ZNF10: variants seen among roughly 807,000 people sequenced by gnomAD.
The protein encoded by ZNF10 is zinc finger protein 10.
Under a neutral mutation model 12.2 loss-of-function variants are expected in ZNF10, and 8 were observed. The ratio of observed to expected loss-of-function variants is 0.66; its 90% CI spans 0.39 to 1.18. The LOEUF (loss-of-function observed/expected upper bound fraction) is 1.18, where lower values mean the gene tolerates loss of function less well. Among genes scored for constraint, ZNF10 ranks in the 50% most tolerant of loss-of-function variants. The probability of loss-of-function intolerance (pLI) is 0.01; values close to 1 mark genes in which losing one functional copy is unlikely to be tolerated. For synonymous variants in ZNF10, 229 were observed against 228.2 expected (o/e 1.00, Z -0.03); for missense variants, 603 against 678.9 (o/e 0.89, Z 1.24).
intron 2 of ZNF10, among the ~76,000 whole-genome samples, chr12:133,145,279 G>A (rs1246242104): frequency 6.6e-6 from 1 of 152,150 alleles, no homozygotes; most frequent in Non-Finnish European, 1.5e-5. Context: ...CAAAGAACAA[G>A]AAGCACACAA....
intron 1 of ZNF10, among the ~76,000 whole-genome samples, chr12:133,138,838 G>A (rs1955927934): frequency 6.6e-6 from 1 of 152,140 alleles, no homozygotes; most frequent in Non-Finnish European, 1.5e-5. Context: ...AATGTCTGGT[G>A]TAAAAAGGGA....
At chr12:133,143,704 A>G (rs1955959325) in intron 1 of ZNF10, 1 of 152,214 alleles carries the variant, frequency 6.6e-6, no homozygotes, top group Non-Finnish European at 1.5e-5. Flanking sequence ...TGCTTGTAGC[A>G]TATACCACAA....
intron 1 of ZNF10, among the ~76,000 whole-genome samples, chr12:133,139,713 G>A (rs61951788): frequency 0.072 from 10,995 of 152,080 alleles, 654 homozygotes; most frequent in African/African-American, 0.16. Flanking sequence ...TTTATAGGTT[G>A]TGGTGACTGA....
At chr12:133,153,547 G>A (rs948341281) in intron 4 of ZNF10, among the ~76,000 whole-genome samples, 8 of 152,100 alleles carry the variant, frequency 5.3e-5, no homozygotes, top group Non-Finnish European at 1.0e-4. Flanking sequence ...GTTCTGGGTT[G>A]GGGAAAGGGA....
Position 133,144,467 on chromosome 12 carries a change from G to A in ZNF10, c.-26G>A. On this transcript the variant is annotated 5_prime_UTR_variant, in exon 2 of 5. Transcript: ENST00000248211. ...CCTCAGCACTCTGCTGTCACTCAAG[G>A]AAGTATCATCAAGAACAAGGAGGGC... 6.2e-7 allele frequency: 1 copy of A among 1,613,254 alleles called. No homozygotes were observed. The highest frequency in any genetic ancestry group is 2.2e-5 in the East Asian group (1 of 44,842).
chr12:133,146,456 AT>A (rs1469859775), intron 2 of ZNF10, among the ~76,000 whole-genome samples: 1 of 150,826 alleles, frequency 6.6e-6, no homozygotes, highest in African/African-American at 2.4e-5. Context: ...TCCATTTAAA[AT>A]TTTTTTTTTA....
chr12:133,138,209 A>C (rs889769220), intron 1 of ZNF10, among the ~76,000 whole-genome samples: 11 of 152,130 alleles, frequency 7.2e-5, no homozygotes, highest in Non-Finnish European at 1.3e-4. Context: ...ATCTAGTAGT[A>C]GTTGCTAAGG....
At chr12:133,145,266 C>G (rs989405414) in intron 2 of ZNF10, among the ~76,000 whole-genome samples, 9 of 152,232 alleles carry the variant, frequency 5.9e-5, no homozygotes, top group African/African-American at 2.2e-4. Flanking sequence ...TGCTTACTTC[C>G]AGCAAAGAAC....
At chr12:133,154,407 G>A (rs1370129702) in intron 4 of ZNF10, among the ~76,000 whole-genome samples, 7 of 151,974 alleles carry the variant, frequency 4.6e-5, no homozygotes, top group Admixed American at 1.3e-4. Flanking sequence ...GTTTCAGAGC[G>A]AAGAAATCAA....
At chr12:133,151,737 G>C in intron 3 of ZNF10, 72 bp from the exon 4 acceptor site, 1 of 1,197,372 alleles carries the variant, frequency 8.4e-7, no homozygotes, top group East Asian at 2.4e-5. Flanking sequence ...GGTTGAATCT[G>C]AGATGTTTCT....
rs1236623522 is a variant in ZNF10, at chr12:133,158,429, T to C, written c.*1461T>C. 5.9e-5 allele frequency: 9 copies of C among 152,180 alleles called. No individual in the cohort carries two copies. The highest frequency in any genetic ancestry group is 2.2e-4 in the African/African-American group (9 of 41,446). 9.4% of individuals were successfully genotyped at this position (152,180 alleles called of 1,614,324 possible). A position where few individuals can be genotyped will look rare whatever the true frequency, so the allele number is the denominator to read the frequency against. On this transcript the variant is annotated 3_prime_UTR_variant, in exon 5 of 5. Coordinates refer to ENST00000248211, the MANE Select transcript of ZNF10 (RefSeq NM_015394.5). Reference sequence around the variant, plus strand: ...ACAGCCTGGGAAAATCACTGACAAATAGTGGATATAGGTTTCATTTCTGAG... The same window carrying C: ...ACAGCCTGGGAAAATCACTGACAAACAGTGGATATAGGTTTCATTTCTGAG...
intron 1 of ZNF10, chr12:133,144,111 G>C (rs1357727372): frequency 1.3e-5 from 2 of 159,524 alleles, no homozygotes; most frequent in African/African-American, 4.8e-5. Context: ...TGTAAAGTGA[G>C]ACTATTTGAT....
chr12:133,151,461 T>A (rs1956006970), intron 3 of ZNF10, among the ~76,000 whole-genome samples: 1 of 152,070 alleles, frequency 6.6e-6, no homozygotes, highest in South Asian at 2.1e-4. Flanking sequence ...CTGACCAACA[T>A]GGTGAAACCC....
At chr12:133,144,950 TC>T in intron 2 of ZNF10, 1 of 416,630 alleles carries the variant, frequency 2.4e-6, no homozygotes, top group South Asian at 1.7e-5. Context: ...TGGCGCGATC[TC>T]AGCTCACTGC....
At chr12:133,139,825 C>T (rs976314953) in intron 1 of ZNF10, among the ~76,000 whole-genome samples, 2 of 152,014 alleles carry the variant, frequency 1.3e-5, no homozygotes, top group African/African-American at 4.8e-5. Flanking sequence ...TTTAGGAGGC[C>T]AAGGCATGAG....
chr12:133,140,814 C>T (rs1274601020), intron 1 of ZNF10, among the ~76,000 whole-genome samples: 1 of 151,914 alleles, frequency 6.6e-6, no homozygotes, highest in Non-Finnish European at 1.5e-5. Flanking sequence ...TTAAGGGTTT[C>T]CTTTTCAGTT....
At chr12:133,131,286 A>G (rs1171549983) in intron 1 of ZNF10, among the ~76,000 whole-genome samples, 1 of 151,804 alleles carries the variant, frequency 6.6e-6, no homozygotes. Context: ...ATTTTCAGAG[A>G]CAGATCATAA....
chr12:133,139,618 T>G (rs1489296612), intron 1 of ZNF10, among the ~76,000 whole-genome samples: 1 of 152,102 alleles, frequency 6.6e-6, no homozygotes, highest in East Asian at 1.9e-4. Flanking sequence ...AGAAGTCAAG[T>G]AGGAGGTCTC....
chr12:133,142,029 A>G (rs1955947346), intron 1 of ZNF10, among the ~76,000 whole-genome samples: 1 of 152,198 alleles, frequency 6.6e-6, no homozygotes, highest in South Asian at 2.1e-4. Context: ...AACTATATCT[A>G]CAAAGTACTG....
Sources: gnomAD v4.1 joint callset for allele counts (sites outside exome capture counted in the v4.1 genomes callset) on GRCh38, gnomAD v4.1.1 for gene constraint, MANE v1.5 for transcripts, NCBI Gene and HGNC (gene_info 2026-07-23, HGNC 2026-07-21) for gene names.